TUBA1C: variants seen among roughly 807,000 people sequenced by gnomAD.
TUBA1C encodes tubulin alpha 1c.
In TUBA1C, 16 loss-of-function variants were observed where a neutral mutation model predicts 34.9. That is an observed-to-expected ratio of 0.46 (90% CI 0.31 to 0.70). The LOEUF (loss-of-function observed/expected upper bound fraction) is 0.70. TUBA1C is among the 30% of genes least tolerant of loss of function. The pLI is 0.05. For synonymous variants in TUBA1C, 177 were observed against 215.9 expected, an observed-to-expected ratio of 0.82 and a Z score of 1.58; for missense variants, 329 against 587.3, an observed-to-expected ratio of 0.56 and a Z score of 4.55.
chr12:49,255,098 G>A (rs1565644572), intron 1 of TUBA1C, among the ~76,000 whole-genome samples: 2 of 151,778 alleles, frequency 1.3e-5, no homozygotes, highest in African/African-American at 2.4e-5. Context: ...GGCTGTTTTA[G>A]AGCAAGTCTT....
At chr12:49,258,481 G>A (rs192931866) in intron 1 of TUBA1C, among the ~76,000 whole-genome samples, 37 of 152,276 alleles carry the variant, frequency 2.4e-4, no homozygotes, top group Non-Finnish European at 4.7e-4. Flanking sequence ...AGGCTGGAGT[G>A]AACTGGTGTG....
intron 1 of TUBA1C, 86 bp downstream of exon 1, chr12:49,265,270 C>A: frequency 2.6e-6 from 3 of 1,174,712 alleles, no homozygotes; most frequent in Non-Finnish European, 3.6e-6. Context: ...CCTCGGGCCG[C>A]GCCCAGGACA....
At chr12:49,259,591 A>G (rs75096879) in intron 1 of TUBA1C, among the ~76,000 whole-genome samples, 2,087 of 152,278 alleles carry the variant, frequency 0.014, 25 homozygotes, top group Middle Eastern at 0.034. Context: ...ACAAGTTTCT[A>G]GCTTTGGAGC....
rs570828220 is a variant in TUBA1C at position 49,254,699 on chromosome 12, C to T, written c.214-14766C>T. ...AGGGATTTTTATGGAGGCTTCATCA[C>T]GTAGGCATGATCAGTTTTTAACTCA... is the stretch of plus-strand genomic sequence containing the variant. On this transcript the variant is annotated intron_variant, in intron 1 of 3. Coordinates refer to the TUBA1C transcript ENST00000541364. Among the ~76,000 whole-genome samples the T allele has an allele frequency of 7.9e-5, 12 of 152,136 alleles. No individual in the cohort carries two copies. In the South Asian group the frequency reaches 2.3e-3, roughly 29 times the overall value.
chr12:49,265,268 C>A lies in TUBA1C; in HGVS notation c.3+84C>A, dbSNP rs1030378960. On this transcript the variant is annotated intron_variant, in intron 1 of 3. Transcript: ENST00000301072. The stretch of plus-strand genomic sequence containing the variant: ...GGAAACTACTGCCTGCACCTCGGGC[C>A]GCGCCCAGGACAGCTCCAGACTACC... The A allele has an allele frequency of 8.1e-6, 10 of 1,240,238 alleles. No homozygotes were observed. The African/African-American group carries it at 1.4e-4, about 17-fold the overall frequency. The allele number at this position is 1,240,238 out of a possible 1,614,324, so 76.8% of individuals were successfully genotyped here. A position where few individuals can be genotyped will look rare whatever the true frequency, so the allele number is the denominator to read the frequency against.
At chr12:49,267,184 C>T (rs1942925841) in intron 1 of TUBA1C, among the ~76,000 whole-genome samples, 1 of 152,194 alleles carries the variant, frequency 6.6e-6, no homozygotes, top group African/African-American at 2.4e-5. Context: ...GCAGTTTAGA[C>T]TGAGCAATGA....
rs1943029248 is a variant in TUBA1C at position 49,273,942 on chromosome 12, C to G, written c.*715C>G. On this transcript the variant is annotated 3_prime_UTR_variant, in exon 4 of 4. Coordinates refer to ENST00000301072, the MANE Select transcript of TUBA1C (RefSeq NM_032704.5). ...CCATCTCTACCAAAACAAAAATTTG[C>G]ATGCTGTGATGGCACCTGCCTATAG... The G allele has an allele frequency of 6.5e-6, 1 of 153,628 alleles. No homozygotes were observed. Among genetic ancestry groups the G allele is most frequent in the Non-Finnish European group, 1.4e-5 (1 of 69,116 alleles). The allele number at this position is 153,628 out of a possible 1,614,324, so 9.5% of individuals were successfully genotyped here. A position where few individuals can be genotyped will look rare whatever the true frequency, so the allele number is the denominator to read the frequency against.
At chr12:49,264,476 C>A (rs1201891678), upstream of TUBA1C, among the ~76,000 whole-genome samples, 1 of 152,048 alleles carries the variant, frequency 6.6e-6, no homozygotes, top group African/African-American at 2.4e-5. Context: ...GCGAGGGGAG[C>A]GGGCGCCCGC....
At position 49,273,572 on chromosome 12, in the gene TUBA1C, G is replaced by C. The variant is rs1943024942; in HGVS notation, c.*345G>C. The stretch of plus-strand genomic sequence containing the variant: ...TGCCCAGCTATTTTTATTTCTTGTA[G>C]AGATGGGGCCTTGCTATGCTGCCCA... On this transcript the variant is annotated 3_prime_UTR_variant, in exon 4 of 4. Coordinates refer to ENST00000301072, the MANE Select transcript of TUBA1C (RefSeq NM_032704.5). 2.7e-6 allele frequency: 1 copy of C among 366,586 alleles called. No homozygotes were observed. Among genetic ancestry groups the C allele is most frequent in the African/African-American group, 2.1e-5 (1 of 47,536 alleles). 22.7% of individuals were successfully genotyped at this position (366,586 alleles called of 1,614,324 possible).
intron 1 of TUBA1C, chr12:49,257,916 T>C (rs1225123530): frequency 2.3e-5 from 4 of 177,682 alleles, no homozygotes; most frequent in South Asian, 1.5e-4. Context: ...TGGAGTGCAG[T>C]GGTACAATCT....
At chr12:49,249,392 A>G (rs1255023738) in intron 1 of TUBA1C, among the ~76,000 whole-genome samples, 4 of 152,116 alleles carry the variant, frequency 2.6e-5, no homozygotes, top group African/African-American at 9.7e-5. Context: ...GCGCCACTGC[A>G]CTCCAGCCTG....
chr12:49,269,951 T>C lies in TUBA1C; in HGVS notation c.350T>C (p.Leu117Pro). ...HYTIGKEIID[L>P]VLDRIRKLAD... is the part of the protein sequence containing the mutation. ...ACCATTGGCAAGGAGATCATTGACCTCGTGTTGGACCGAATTCGCAAGCTG... is the reference window on the plus strand; with the variant it reads ...ACCATTGGCAAGGAGATCATTGACCCCGTGTTGGACCGAATTCGCAAGCTG... The change falls in exon 3 of 4, where the codon CTC becomes CCC. Residue 117 changes from leucine (L) to proline (P), a missense_variant. Transcript: ENST00000301072. 6.2e-7 allele frequency: 1 copy of C among 1,614,218 alleles called. No homozygotes were observed. The highest frequency in any genetic ancestry group is 8.5e-7 in the Non-Finnish European group (1 of 1,180,054).
At chr12:49,265,971 A>AC (rs1431945186) in intron 1 of TUBA1C, among the ~76,000 whole-genome samples, 8 of 141,686 alleles carry the variant, frequency 5.6e-5, no homozygotes, top group Non-Finnish European at 1.2e-4. Flanking sequence ...AAAAAAAAAA[A>AC]ACAAAAAAAA....
intron 1 of TUBA1C, among the ~76,000 whole-genome samples, chr12:49,237,510 A>T (rs1365880768): frequency 6.6e-6 from 1 of 152,042 alleles, no homozygotes; most frequent in African/African-American, 2.4e-5. Context: ...TGGGAGGCTG[A>T]GGCAGGAGGA....
intron 1 of TUBA1C, among the ~76,000 whole-genome samples, chr12:49,231,295 G>A (rs753341771): frequency 6.6e-6 from 1 of 152,154 alleles, no homozygotes; most frequent in Non-Finnish European, 1.5e-5. Flanking sequence ...CTCCCAAGGA[G>A]TTGGGACTAA....
intron 1 of TUBA1C, among the ~76,000 whole-genome samples, chr12:49,249,986 C>G (rs922208352): frequency 6.6e-6 from 1 of 151,548 alleles, no homozygotes; most frequent in Non-Finnish European, 1.5e-5. Context: ...CACTTGAGGT[C>G]AGGAGTTTGA....
chr12:49,231,716 A>G (rs1956067440), intron 1 of TUBA1C, among the ~76,000 whole-genome samples: 1 of 152,038 alleles, frequency 6.6e-6, no homozygotes, highest in Non-Finnish European at 1.5e-5. Flanking sequence ...AGACAGACAG[A>G]CAGATAGATA....
intron 1 of TUBA1C, among the ~76,000 whole-genome samples, chr12:49,249,080 T>C (rs1011169718): frequency 1.3e-5 from 2 of 151,660 alleles, no homozygotes. Context: ...GAGGAAAACA[T>C]ATATATAAGA....
intron 1 of TUBA1C, among the ~76,000 whole-genome samples, chr12:49,254,049 C>T (rs1156796436): frequency 6.6e-6 from 1 of 152,110 alleles, no homozygotes; most frequent in East Asian, 1.9e-4. Context: ...CGGTGACTTA[C>T]GCCTGTAATC....
Sources: allele counts gnomAD v4.1 joint callset (sites outside exome capture counted in the v4.1 genomes callset), GRCh38; gene constraint gnomAD v4.1.1; transcripts MANE v1.5; gene names NCBI Gene and HGNC (gene_info 2026-07-23, HGNC 2026-07-21).